PPP3CA: variants seen among roughly 807,000 people sequenced by gnomAD.
PPP3CA encodes the protein CAM-PRP catalytic subunit.
In PPP3CA, 14 loss-of-function variants were observed where a neutral mutation model predicts 66.5. The observed-to-expected ratio is 0.21, with a 90% CI of 0.14 to 0.33. PPP3CA has a LOEUF of 0.33. PPP3CA is among the 10% of genes least tolerant of loss of function. The probability of loss-of-function intolerance (pLI) is 1.00; values close to 1 mark genes in which losing one functional copy is unlikely to be tolerated. For synonymous variants in PPP3CA, 232 were observed against 226.2 expected, an observed-to-expected ratio of 1.03 and a Z score of -0.23; for missense variants, 317 against 639.5, an observed-to-expected ratio of 0.50 and a Z score of 5.44.
At chr4:101,033,586 A>ATTCT (rs1291897311) in intron 11 of PPP3CA, among the ~76,000 whole-genome samples, 1 of 152,220 alleles carries the variant, frequency 6.6e-6, no homozygotes, top group African/African-American at 2.4e-5. Context: ...TAGTTTAACC[A>ATTCT]TTCTCACAAG....
chr4:101,153,678 G>GTAT (rs1195070072), intron 2 of PPP3CA, among the ~76,000 whole-genome samples: 1 of 152,138 alleles, frequency 6.6e-6, no homozygotes, highest in Non-Finnish European at 1.5e-5. Flanking sequence ...ACTCAAGTAG[G>GTAT]TATTCTCCTT....
In PPP3CA at chr4:101,172,287, A is replaced by G. The variant is rs181377765; in HGVS notation, c.259+23629T>C. ...TCCAAATCCCATTTCTGACACTTCT[A>G]TCTGCGGCCTTAGACAAGCTCTTAA... On this transcript the variant is annotated intron_variant, in intron 2 of 13. Transcript: ENST00000394854. Among the ~76,000 whole-genome samples the G allele has an allele frequency of 2.9e-3, 436 of 152,276 alleles. 7 individuals are homozygous for G. The highest frequency in any genetic ancestry group is 9.5e-3 in the African/African-American group (396 of 41,564).
chr4:101,319,542 C>A (rs1044479036), intron 1 of PPP3CA, among the ~76,000 whole-genome samples: 1 of 152,070 alleles, frequency 6.6e-6, no homozygotes, highest in South Asian at 2.1e-4. Context: ...TACTCCTTTA[C>A]GACTAAATCA....
At chr4:101,219,125 ACTGGG>A (rs1725544792) in intron 1 of PPP3CA, among the ~76,000 whole-genome samples, 1 of 152,042 alleles carries the variant, frequency 6.6e-6, no homozygotes, top group Admixed American at 6.6e-5. Context: ...GAAGGGTGTG[ACTGGG>A]GCTTTATTGT....
At chr4:101,207,094 T>C (rs1725154151) in intron 1 of PPP3CA, among the ~76,000 whole-genome samples, 1 of 152,208 alleles carries the variant, frequency 6.6e-6, no homozygotes, top group Non-Finnish European at 1.5e-5. Context: ...TTTCATCGCA[T>C]ATGTGAATGC....
intron 1 of PPP3CA, among the ~76,000 whole-genome samples, chr4:101,220,211 A>C (rs1299701155): frequency 6.6e-6 from 1 of 151,666 alleles, no homozygotes; most frequent in Non-Finnish European, 1.5e-5. Flanking sequence ...ACATTTTTCA[A>C]ATCCTTTGAG....
intron 1 of PPP3CA, among the ~76,000 whole-genome samples, chr4:101,233,598 A>G (rs1044704466): frequency 2.0e-5 from 3 of 151,750 alleles, no homozygotes; most frequent in Admixed American, 6.6e-5. Flanking sequence ...TTCATTTTCT[A>G]TTATCAAGGT....
Position 101,024,075 on chromosome 4 carries a change from C to G in PPP3CA, c.*1790G>C, listed in dbSNP as rs1310224178. On this transcript the variant is annotated 3_prime_UTR_variant, in exon 14 of 14. Coordinates refer to ENST00000394854, the MANE Select transcript of PPP3CA (RefSeq NM_000944.5). ...AAAAAGGAATGCTCTGGTTTTTTAACTGGCTCCTTGAGGAAGCCAGAAGAT... is the reference window on the plus strand; with the variant it reads ...AAAAAGGAATGCTCTGGTTTTTTAAGTGGCTCCTTGAGGAAGCCAGAAGAT... 1 of 152,220 alleles carries G rather than the reference C, an allele frequency of 6.6e-6. No homozygotes were observed. The highest frequency in any genetic ancestry group is 2.4e-5 in the African/African-American group (1 of 41,460). 9.4% of individuals were successfully genotyped at this position (152,220 alleles called of 1,614,324 possible). A position where few individuals can be genotyped will look rare whatever the true frequency, so the allele number is the denominator to read the frequency against.
chr4:101,319,870 G>A (rs1178925171), intron 1 of PPP3CA, among the ~76,000 whole-genome samples: 1 of 151,980 alleles, frequency 6.6e-6, no homozygotes, highest in East Asian at 1.9e-4. Context: ...TTGGCTTTGT[G>A]GTATCATATA....
intron 5 of PPP3CA, among the ~76,000 whole-genome samples, chr4:101,095,814 G>C (rs1011452816): frequency 1.3e-5 from 2 of 152,038 alleles, no homozygotes; most frequent in Non-Finnish European, 2.9e-5. Flanking sequence ...ACCATGCCTG[G>C]CTAATTTTTG....
At chr4:101,294,611 T>C (rs1728135675) in intron 1 of PPP3CA, among the ~76,000 whole-genome samples, 1 of 152,174 alleles carries the variant, frequency 6.6e-6, no homozygotes, top group South Asian at 2.1e-4. Context: ...ATTTTAATCA[T>C]AAAAAATACA....
intron 1 of PPP3CA, among the ~76,000 whole-genome samples, chr4:101,278,148 T>TAAAAA: frequency 9.0e-6 from 1 of 111,230 alleles, no homozygotes; most frequent in East Asian, 3.8e-4. Context: ...AATAAAAAAA[T>TAAAAA]TAAAAAGTTA....
intron 11 of PPP3CA, among the ~76,000 whole-genome samples, chr4:101,036,701 C>T (rs938616785): frequency 3.9e-5 from 6 of 151,972 alleles, no homozygotes; most frequent in Non-Finnish European, 7.4e-5. Flanking sequence ...CGTGAGCCAC[C>T]GCACCCAGCC....
intron 8 of PPP3CA, among the ~76,000 whole-genome samples, chr4:101,076,470 A>T (rs1447805780): frequency 6.6e-6 from 1 of 152,230 alleles, no homozygotes; most frequent in Non-Finnish European, 1.5e-5. Context: ...AACAAGAAAA[A>T]CGTAAACAAT....
chr4:101,075,882 C>T (rs1334518773), intron 8 of PPP3CA, among the ~76,000 whole-genome samples: 3 of 152,116 alleles, frequency 2.0e-5, no homozygotes, highest in African/African-American at 7.2e-5. Context: ...TATCATACTA[C>T]CAGATTATTA....
At chr4:101,301,005 T>C (rs1272484405) in intron 1 of PPP3CA, among the ~76,000 whole-genome samples, 1 of 152,192 alleles carries the variant, frequency 6.6e-6, no homozygotes, top group Non-Finnish European at 1.5e-5. Context: ...AATCTTTAGA[T>C]TTAGGAACAG....
chr4:101,170,297 T>C (rs755127923), intron 2 of PPP3CA, among the ~76,000 whole-genome samples: 1 of 152,098 alleles, frequency 6.6e-6, no homozygotes. Flanking sequence ...CTGACTCTTG[T>C]TGAAAATCTC....
At chr4:101,081,774 T>C (rs931126114) in intron 7 of PPP3CA, among the ~76,000 whole-genome samples, 3 of 152,072 alleles carry the variant, frequency 2.0e-5, no homozygotes, top group Admixed American at 6.5e-5. Flanking sequence ...TAAAAGAAAA[T>C]GCCCCCTTAA....
intron 2 of PPP3CA, among the ~76,000 whole-genome samples, chr4:101,161,372 T>C (rs1723502824): frequency 6.6e-6 from 1 of 152,184 alleles, no homozygotes. Context: ...ATGAATTCAA[T>C]CACTCATGAA....
Sources: allele counts gnomAD v4.1 joint callset (sites outside exome capture counted in the v4.1 genomes callset), GRCh38; gene constraint gnomAD v4.1.1; transcripts MANE v1.5; gene names NCBI Gene and HGNC (gene_info 2026-07-23, HGNC 2026-07-21).